KCNK4: variants seen among roughly 807,000 people sequenced by gnomAD.
KCNK4 encodes potassium channel subfamily K member 4.
In KCNK4, 22 loss-of-function variants were observed where a neutral mutation model predicts 28.8. The ratio of observed to expected loss-of-function variants is 0.76; its 90% CI spans 0.55 to 1.09. KCNK4 has a LOEUF of 1.09. Ranked by LOEUF, KCNK4 falls within the 50% of genes least tolerant of loss-of-function variation. The probability of loss-of-function intolerance (pLI) is 0.00; values close to 1 mark genes in which losing one functional copy is unlikely to be tolerated. For missense variants in KCNK4, 483 were observed against 546.3 expected (o/e 0.88, Z 1.15); for synonymous variants, 263 against 252.9 (o/e 1.04, Z -0.38).
chr11:64,298,918 G>A (rs1591231158), intron 6 of KCNK4, among the ~76,000 whole-genome samples: 2 of 151,738 alleles, frequency 1.3e-5, no homozygotes, highest in Non-Finnish European at 2.9e-5. Flanking sequence ...GCGGGCGCCT[G>A]TAATCCAAGC....
Position 64,292,945 on chromosome 11 carries a change from C to G in KCNK4, c.-74C>G. The G allele has an allele frequency of 2.0e-6, 3 of 1,469,288 alleles. No homozygotes were observed. The highest frequency in any genetic ancestry group is 2.7e-6 in the Non-Finnish European group (3 of 1,115,530). The allele number at this position is 1,469,288 out of a possible 1,614,324, so 91.0% of individuals were successfully genotyped here. On this transcript the variant is annotated 5_prime_UTR_variant, in exon 2 of 7. Transcript: ENST00000422670. The stretch of plus-strand genomic sequence containing the variant: ...GCATCCCTGGTTTTGCCCGCAGTGA[C>G]GACAGCTCCCCAGGAGCCCCCCGCC...
chr11:64,292,096 C>T, intron 1 of KCNK4: 1 of 1,086,590 alleles, frequency 9.2e-7, no homozygotes, highest in South Asian at 2.1e-5. Flanking sequence ...GATGCCGGGG[C>T]GTCTGCGGAG....
intron 2 of KCNK4, among the ~76,000 whole-genome samples, chr11:64,294,946 G>T (rs544527853): frequency 5.6e-4 from 86 of 152,310 alleles, no homozygotes; most frequent in African/African-American, 2.0e-3. Context: ...CTTCACAATG[G>T]AATTGCTTTT....
At chr11:64,296,696 CT>C (rs1407747919) in intron 2 of KCNK4, among the ~76,000 whole-genome samples, 181 bp from the exon 3 acceptor site, 1 of 152,172 alleles carries the variant, frequency 6.6e-6, no homozygotes, top group Non-Finnish European at 1.5e-5. Context: ...ACAAACTCAC[CT>C]GCAGGTAGAC....
chr11:64,297,629 G>A lies in KCNK4; in HGVS notation c.637G>A (p.Val213Met), dbSNP rs200599852. ...CTTTGTCATAGTGACGCTTACCACC[G>A]TGGGCTTTGGCGACTATGTGGCCGG... ...IYFVIVTLTT[V>M]GFGDYVAGAD... The change falls in exon 5 of 7, where the codon GTG becomes ATG. Residue 213 changes from valine to methionine, a missense_variant. Transcript: ENST00000422670. 1.1e-4 allele frequency: 173 copies of A among 1,611,566 alleles called. No individual in the cohort carries two copies. Among genetic ancestry groups the A allele is most frequent in the Non-Finnish European group, 1.0e-4 (119 of 1,178,050 alleles).
At position 64,298,277 on chromosome 11, in the gene KCNK4, C is replaced by G. The variant is rs79932199; in HGVS notation, c.801+28C>G. On this transcript the variant is annotated intron_variant, in intron 6 of 6. Transcript: ENST00000422670. ...AGGCGCCCCAGGGTTGGCACTGTGC[C>G]TGCGCACTGTGGTGCAAATGTGCTG... 4.1e-4 allele frequency: 657 copies of G among 1,609,510 alleles called. 2 individuals are homozygous for G. The African/African-American group carries it at 7.5e-3, about 18-fold the overall frequency.
At chr11:64,292,851 T>G in intron 1 of KCNK4, 91 bp from the exon 2 acceptor site, 2 of 1,326,970 alleles carry the variant, frequency 1.5e-6, no homozygotes, top group Non-Finnish European at 2.0e-6. Flanking sequence ...GCTGGGGGCT[T>G]TATGGATCTT....
At chr11:64,299,299 A>AG (rs1482589778) in intron 6 of KCNK4, 47 bp from the exon 7 acceptor site, 12 of 1,426,946 alleles carry the variant, frequency 8.4e-6, no homozygotes, top group African/African-American at 1.5e-5. Flanking sequence ...GGGGTCGCGG[A>AG]GGGGGTCTAG....
At chr11:64,292,401 G>A (rs980960912) in intron 1 of KCNK4, among the ~76,000 whole-genome samples, 3 of 152,200 alleles carry the variant, frequency 2.0e-5, no homozygotes, top group Non-Finnish European at 4.4e-5. Context: ...GCCCGGCGGG[G>A]CGCGGGGGCA....
In KCNK4 at chr11:64,296,967, C is replaced by T; in HGVS notation, c.279C>T (p.Ala93=). 1 of 1,523,390 alleles carries T rather than the reference C, an allele frequency of 6.6e-7. No homozygotes were observed. The highest frequency in any genetic ancestry group is 8.8e-7 in the Non-Finnish European group (1 of 1,136,780). 94.4% of individuals were successfully genotyped at this position (1,523,390 alleles called of 1,614,324 possible). Residue 93 remains alanine, a synonymous_variant, in exon 3 of 7, where the codon GCC becomes GCT. Transcript: ENST00000422670. ...SSHSAWDLGS[A]FFFSGTIITT... is the part of the protein sequence containing the mutation. ...ACTCAGCCTGGGACCTGGGCAGCGCCTTCTTTTTCTCAGGGACCATCATCA... is the reference window on the plus strand; with the variant it reads ...ACTCAGCCTGGGACCTGGGCAGCGCTTTCTTTTTCTCAGGGACCATCATCA...
rs1447305965 is a variant in KCNK4, at chr11:64,298,041, G to C, written c.662-69G>C. The C allele has an allele frequency of 1.5e-5, 24 of 1,554,092 alleles. No homozygotes were observed. The East Asian group carries it at 1.8e-4, about 12-fold the overall frequency. The stretch of plus-strand genomic sequence containing the variant: ...GTCCTCTCCAGGAACTGGGAGGGGG[G>C]CACTGAACCAGAGCTCACAGGCTTG... On this transcript the variant is annotated intron_variant, in intron 5 of 6. Transcript: ENST00000422670.
intron 6 of KCNK4, 128 bp downstream of exon 6, chr11:64,298,377 C>G: frequency 8.8e-7 from 1 of 1,133,830 alleles, no homozygotes; most frequent in African/African-American, 1.5e-5. Flanking sequence ...GAGTGAGCCT[C>G]TGTGTGTGCC....
intron 6 of KCNK4, among the ~76,000 whole-genome samples, chr11:64,298,945 G>T (rs2135235144): frequency 6.6e-6 from 1 of 150,656 alleles, no homozygotes; most frequent in South Asian, 2.1e-4. Context: ...GAGGGCTGAG[G>T]CAGGAGAATC....
In KCNK4 at chr11:64,297,562, G is replaced by T. The variant is rs768328432; in HGVS notation, c.570G>T (p.Val190=). 1.9e-6 allele frequency: 3 copies of T among 1,614,072 alleles called. No individual in the cohort carries two copies. The African/African-American group carries it at 4.0e-5, about 22-fold the overall frequency. Residue 190 remains valine, a synonymous_variant, in exon 5 of 7, where the codon GTG becomes GTT. Transcript: ENST00000422670. ...TCTTTGTCCTCACGCCCACGTTCGT[G>T]TTCTGCTATATGGAGGACTGGAGCA... The part of the protein sequence containing the change: ...CLLFVLTPTF[V]FCYMEDWSKL...
chr11:64,296,867 T>C lies in KCNK4; in HGVS notation c.190-11T>C, dbSNP rs192470887. The C allele has an allele frequency of 2.0e-6, 3 of 1,508,518 alleles. No individual in the cohort carries two copies. The highest frequency in any genetic ancestry group is 1.8e-6 in the Non-Finnish European group (2 of 1,130,310). 93.4% of individuals were successfully genotyped at this position (1,508,518 alleles called of 1,614,324 possible). On this transcript the variant is annotated splice_polypyrimidine_tract_variant and intron_variant, in intron 2 of 6. Coordinates refer to ENST00000422670, the MANE Select transcript of KCNK4 (RefSeq NM_033310.3). ...GAACTGAAGCTCCTCCTTCTGCACC[T>C]TGTCCTGCAGGAGGTGGCTGATGCC... is the stretch of plus-strand genomic sequence containing the variant.
rs1236278119 is a variant in KCNK4 at position 64,299,441 on chromosome 11, G to A, written c.897G>A (p.Lys299=). 20 of 1,596,362 alleles carry A rather than the reference G, an allele frequency of 1.3e-5. No individual in the cohort carries two copies. Among genetic ancestry groups the A allele is most frequent in the Non-Finnish European group, 1.6e-5 (19 of 1,173,868 alleles). The change falls in exon 7 of 7, where the codon AAG becomes AAA. Residue 299 remains lysine (K), a synonymous_variant. Transcript: ENST00000422670. Reference sequence around the variant, plus strand: ...GGCCCGCCGCCCCGCCGCCGGAGAAGGAGCAGCCACTGCTGCCTCCACCGC... The same window carrying A: ...GGCCCGCCGCCCCGCCGCCGGAGAAAGAGCAGCCACTGCTGCCTCCACCGC... ...RAGPAAPPPE[K]EQPLLPPPPC...
rs1457155175 is a variant in KCNK4 at position 64,297,475 on chromosome 11, C to G, written c.483C>G (p.His161Gln). Residue 161 changes from histidine (H) to glutamine (Q), a missense_variant, in exon 5 of 7, where the codon CAC becomes CAG. By Grantham distance (24) the His-to-Gln change is conservative. Coordinates refer to ENST00000422670, the MANE Select transcript of KCNK4 (RefSeq NM_033310.3). ...ACTGCCCCATCCCGCAGAAGTGGCA[C>G]GTGCCACCGGAGCTAGTAAGAGTGC... The part of the protein sequence containing the change: ...GHIEAIFLKW[H>Q]VPPELVRVLS... The G allele has an allele frequency of 6.2e-7, 1 of 1,614,028 alleles. No homozygotes were observed. The highest frequency in any genetic ancestry group is 8.5e-7 in the Non-Finnish European group (1 of 1,179,960).
In KCNK4 at chr11:64,291,494, T is replaced by G. The variant is rs1247496154; in HGVS notation, c.-150T>G. 1 of 152,456 alleles carries G rather than the reference T, an allele frequency of 6.6e-6. No individual in the cohort carries two copies. The highest frequency in any genetic ancestry group is 6.5e-5 in the Admixed American group (1 of 15,290). 9.4% of individuals were successfully genotyped at this position (152,456 alleles called of 1,614,324 possible). On this transcript the variant is annotated 5_prime_UTR_variant, in exon 1 of 7. Transcript: ENST00000422670. The stretch of plus-strand genomic sequence containing the variant: ...CCAAGGCTAGAAGGCTGGCCCCTGC[T>G]GCAACCCCTCTCCGGCTCCTCTGCC...
Position 64,299,651 on chromosome 11 carries a change from C to T in KCNK4, c.1107C>T (p.Arg369=). The T allele has an allele frequency of 6.2e-7, 1 of 1,607,186 alleles. No individual in the cohort carries two copies. The highest frequency in any genetic ancestry group is 8.5e-7 in the Non-Finnish European group (1 of 1,177,496). The change falls in exon 7 of 7, where the codon CGC becomes CGT. Residue 369 remains arginine, a synonymous_variant. Transcript: ENST00000422670. ...TGCCCCGCGCGCCGAGAGGTCGCCG[C>T]CGCCCAAATCCCCCCAGGAAGCCCG... ...CPLPRAPRGR[R]RPNPPRKPVR... is the part of the protein sequence containing the mutation.
Sources: allele counts gnomAD v4.1 joint callset (sites outside exome capture counted in the v4.1 genomes callset), GRCh38; gene constraint gnomAD v4.1.1; transcripts MANE v1.5; gene names NCBI Gene and HGNC (gene_info 2026-07-23, HGNC 2026-07-21).